Variants in GALNT13 observed in about 807,000 individuals in gnomAD.
GALNT13 encodes the protein UDP-GalNAc:polypeptide N-acetylgalactosaminyltransferase 13.
Under a neutral mutation model 64.2 loss-of-function variants are expected in GALNT13, and 28 were observed. That is an observed-to-expected ratio of 0.44 (90% CI 0.32 to 0.60). The LOEUF (loss-of-function observed/expected upper bound fraction) is 0.60. Among genes scored for constraint, GALNT13 ranks in the 20% least tolerant of loss-of-function variants. The probability of loss-of-function intolerance (pLI) is 0.05; values close to 1 mark genes in which losing one functional copy is unlikely to be tolerated. For missense variants in GALNT13, 577 were observed against 669.8 expected (o/e 0.86, Z 1.53); for synonymous variants, 214 against 224.6 (o/e 0.95, Z 0.42).
chr2:153,977,541 A>G (rs533922341), intron 3 of GALNT13, among the ~76,000 whole-genome samples: 2 of 152,302 alleles, frequency 1.3e-5, no homozygotes, highest in Admixed American at 1.3e-4. Flanking sequence ...AACCACCACC[A>G]TGATTCAATT....
the GALNT13 span, among the ~76,000 whole-genome samples, chr2:153,101,185 A>C: frequency 6.6e-6 from 1 of 152,178 alleles, no homozygotes; most frequent in African/African-American, 2.4e-5. Context: ...TTATAGGTCC[A>C]GAACACAATT....
chr2:153,642,572 A>T, the GALNT13 span, among the ~76,000 whole-genome samples: 1 of 151,876 alleles, frequency 6.6e-6, no homozygotes, highest in Admixed American at 6.6e-5. Flanking sequence ...ATTTTTAAAA[A>T]CATATAAAAC....
At chr2:153,307,603 G>C in the GALNT13 span, among the ~76,000 whole-genome samples, 1 of 151,930 alleles carries the variant, frequency 6.6e-6, no homozygotes, top group East Asian at 1.9e-4. Flanking sequence ...ATATTTATTA[G>C]CATATATTGC....
chr2:154,300,439 G>T (rs961674257), intron 8 of GALNT13, among the ~76,000 whole-genome samples: 2 of 152,080 alleles, frequency 1.3e-5, no homozygotes, highest in Non-Finnish European at 2.9e-5. Context: ...TTCAAAAAAA[G>T]TAACTCTACT....
At chr2:153,930,562 A>T (rs1690447193) in intron 2 of GALNT13, among the ~76,000 whole-genome samples, 1 of 152,134 alleles carries the variant, frequency 6.6e-6, no homozygotes, top group African/African-American at 2.4e-5. Flanking sequence ...TCTCAGCATC[A>T]TTTATTGAAT....
At chr2:154,242,992 T>G in intron 6 of GALNT13, 87 bp downstream of exon 6, 1 of 1,119,692 alleles carries the variant, frequency 8.9e-7, no homozygotes, top group Non-Finnish European at 1.3e-6. Flanking sequence ...CTCTTCCAAG[T>G]TGCTATTTTT....
At chr2:153,344,850 A>G in the GALNT13 span, among the ~76,000 whole-genome samples, 1 of 152,232 alleles carries the variant, frequency 6.6e-6, no homozygotes, top group African/African-American at 2.4e-5. Context: ...CAAAGCATCA[A>G]GTTATACACA....
the GALNT13 span, among the ~76,000 whole-genome samples, chr2:153,117,822 T>C: frequency 6.6e-6 from 1 of 152,266 alleles, no homozygotes; most frequent in South Asian, 2.1e-4. Flanking sequence ...CTGTATTCCT[T>C]ATGCTTGTTA....
chr2:153,143,547 A>G, the GALNT13 span, among the ~76,000 whole-genome samples: 1 of 152,168 alleles, frequency 6.6e-6, no homozygotes, highest in East Asian at 1.9e-4. Context: ...TACTGCCTGC[A>G]TTGAATTGAA....
the GALNT13 span, among the ~76,000 whole-genome samples, chr2:153,314,732 A>G: frequency 6.6e-6 from 1 of 152,134 alleles, no homozygotes; most frequent in Non-Finnish European, 1.5e-5. Context: ...GATAAACAAA[A>G]TAAAAATACA....
At chr2:153,442,167 A>T in the GALNT13 span, among the ~76,000 whole-genome samples, 1 of 152,148 alleles carries the variant, frequency 6.6e-6, no homozygotes, top group East Asian at 1.9e-4. Flanking sequence ...GGGGATTTGA[A>T]TTTTATTGAA....
At chr2:153,260,267 T>G in the GALNT13 span, among the ~76,000 whole-genome samples, 1 of 152,220 alleles carries the variant, frequency 6.6e-6, no homozygotes, top group Non-Finnish European at 1.5e-5. Context: ...GTTATAAAAT[T>G]CTGCATACGT....
chr2:154,120,974 A>G (rs1296653084), intron 3 of GALNT13, among the ~76,000 whole-genome samples: 2 of 152,116 alleles, frequency 1.3e-5, no homozygotes, highest in Non-Finnish European at 2.9e-5. Context: ...TGAATTTAGC[A>G]TGGACTTCCT....
intron 8 of GALNT13, among the ~76,000 whole-genome samples, chr2:154,273,567 A>G (rs1422776232): frequency 6.6e-6 from 1 of 152,228 alleles, no homozygotes; most frequent in East Asian, 1.9e-4. Flanking sequence ...CGACACATAT[A>G]CAATGGTGGT....
At chr2:154,393,377 T>G (rs940245580) in intron 9 of GALNT13, among the ~76,000 whole-genome samples, 28 of 152,102 alleles carry the variant, frequency 1.8e-4, no homozygotes, top group Admixed American at 1.8e-3. Flanking sequence ...AAATCAGAAG[T>G]GACATAACCC....
At chr2:153,168,098 C>G in the GALNT13 span, among the ~76,000 whole-genome samples, 1 of 152,176 alleles carries the variant, frequency 6.6e-6, no homozygotes, top group Admixed American at 6.5e-5. Context: ...CCAATGAGCA[C>G]TGCTGATGGT....
chr2:153,535,088 C>T, the GALNT13 span, among the ~76,000 whole-genome samples: 28 of 151,748 alleles, frequency 1.8e-4, no homozygotes, highest in Admixed American at 1.1e-3. Flanking sequence ...GGATTAGGGG[C>T]GGCGTGGGAA....
the GALNT13 span, among the ~76,000 whole-genome samples, chr2:153,764,759 C>T: frequency 8.5e-5 from 13 of 152,200 alleles, no homozygotes; most frequent in Non-Finnish European, 1.6e-4. Flanking sequence ...GTCCAGAAGC[C>T]TTGAAGTAAT....
At chr2:153,272,192 A>G in the GALNT13 span, among the ~76,000 whole-genome samples, 1 of 152,216 alleles carries the variant, frequency 6.6e-6, no homozygotes, top group Admixed American at 6.5e-5. Flanking sequence ...CATTCAGGAC[A>G]TAGGTATGGG....
Sources: allele counts gnomAD v4.1 joint callset (sites outside exome capture counted in the v4.1 genomes callset), GRCh38; gene constraint gnomAD v4.1.1; transcripts MANE v1.5; gene names NCBI Gene and HGNC (gene_info 2026-07-23, HGNC 2026-07-21).